Variants in RNF128 observed in about 807,000 individuals in gnomAD.
The protein encoded by RNF128 is E3 ubiquitin-protein ligase RNF128.
RNF128 carries 13 observed loss-of-function variants against 26.2 expected under a neutral mutation model. The observed-to-expected ratio is 0.50, with a 90% CI of 0.32 to 0.79. The LOEUF (loss-of-function observed/expected upper bound fraction) is 0.79, where lower values mean the gene tolerates loss of function less well. Ranked by LOEUF, RNF128 falls within the 30% of genes least tolerant of loss-of-function variation. RNF128 has a pLI of 0.03. For synonymous variants in RNF128, 149 were observed against 142.5 expected, an observed-to-expected ratio of 1.05 and a Z score of -0.32; for missense variants, 315 against 349.7, an observed-to-expected ratio of 0.90 and a Z score of 0.79.
At chrX:106,718,527 C>T (rs936838653) in intron 1 of RNF128, among the ~76,000 whole-genome samples, 1 of 109,868 alleles carries the variant, frequency 9.1e-6, no homozygotes, top group East Asian at 2.9e-4. Flanking sequence ...TACCTCCCCC[C>T]ACCCCCCAGC....
At chrX:106,785,418 A>G (rs901105013) in intron 3 of RNF128, among the ~76,000 whole-genome samples, 22 of 111,735 alleles carry the variant, frequency 2.0e-4, no homozygotes, top group African/African-American at 7.2e-4. Context: ...GATTATCCAG[A>G]TAGATTCAAA....
chrX:106,777,799 G>C (rs1454926543), intron 2 of RNF128, among the ~76,000 whole-genome samples: 1 of 111,044 alleles, frequency 9.0e-6, no homozygotes, highest in Non-Finnish European at 1.9e-5. Flanking sequence ...GCAAAACCCT[G>C]TCCCTGCAAA....
At chrX:106,788,879 A>ATATAT (rs1359816973) in intron 4 of RNF128, among the ~76,000 whole-genome samples, 2 of 76,306 alleles carry the variant, frequency 2.6e-5, no homozygotes, top group African/African-American at 1.1e-4. Context: ...ATAATGTATA[A>ATATAT]TATATTATAT....
intron 1 of RNF128, among the ~76,000 whole-genome samples, chrX:106,717,421 G>A (rs1318824650): frequency 9.0e-6 from 1 of 111,646 alleles, no homozygotes; most frequent in African/African-American, 3.3e-5. Flanking sequence ...AGATCAGACT[G>A]TGCTTTCAAT....
intron 1 of RNF128, among the ~76,000 whole-genome samples, chrX:106,763,806 G>A (rs374004450): frequency 9.0e-6 from 1 of 111,537 alleles, no homozygotes; most frequent in African/African-American, 3.3e-5. Flanking sequence ...ACCACGCCCG[G>A]CCAATTCAGG....
chrX:106,704,500 T>A (rs927803185), intron 1 of RNF128, among the ~76,000 whole-genome samples: 1 of 105,175 alleles, frequency 9.5e-6, no homozygotes, highest in South Asian at 4.4e-4. Flanking sequence ...GTGAAGAGAC[T>A]CCTATTCCTT....
intron 2 of RNF128, among the ~76,000 whole-genome samples, chrX:106,776,652 A>G (rs185902528): frequency 1.8e-5 from 2 of 112,004 alleles, no homozygotes; most frequent in African/African-American, 6.5e-5. Context: ...ATGACCTTCC[A>G]TTTTTAGCTG....
intron 2 of RNF128, among the ~76,000 whole-genome samples, chrX:106,774,622 A>G (rs1286389856): frequency 8.9e-6 from 1 of 111,795 alleles, no homozygotes; most frequent in Admixed American, 9.5e-5. Flanking sequence ...TTCTACCTTC[A>G]TTATATATCC....
At chrX:106,775,003 C>A (rs1190935161) in intron 2 of RNF128, among the ~76,000 whole-genome samples, 1 of 111,242 alleles carries the variant, frequency 9.0e-6, no homozygotes, top group Admixed American at 9.6e-5. Flanking sequence ...GATTAGATAC[C>A]AGCATATGGT....
chrX:106,771,725 G>T lies in RNF128; in HGVS notation c.485-1188G>T, dbSNP rs747475495. On this transcript the variant is annotated intron_variant, in intron 1 of 6. Transcript: ENST00000255499. Reference sequence around the variant, plus strand: ...CCTGGGTGAGGCGATGGCCTGCCCTGCTCCGTGGGCTGTACCCACTTGTCT... The same window carrying T: ...CCTGGGTGAGGCGATGGCCTGCCCTTCTCCGTGGGCTGTACCCACTTGTCT... Among the ~76,000 whole-genome samples the T allele has an allele frequency of 5.3e-5, 6 of 112,786 alleles. No homozygotes were observed. In the South Asian group the frequency reaches 2.2e-3, roughly 41 times the overall value.
chrX:106,764,254 C>T (rs1930175332), intron 1 of RNF128, among the ~76,000 whole-genome samples: 1 of 110,875 alleles, frequency 9.0e-6, no homozygotes, highest in African/African-American at 3.3e-5. Context: ...CGTGAGCCAC[C>T]ACGCCCGGCC....
intron 1 of RNF128, among the ~76,000 whole-genome samples, chrX:106,770,114 G>A (rs187198193): frequency 7.1e-5 from 8 of 112,044 alleles, no homozygotes; most frequent in Admixed American, 3.8e-4. Context: ...CGAGAGATCC[G>A]CTGTTAGTCT....
intron 1 of RNF128, among the ~76,000 whole-genome samples, chrX:106,731,085 A>T (rs1212056302): frequency 8.9e-6 from 1 of 112,490 alleles, no homozygotes; most frequent in African/African-American, 3.2e-5. Context: ...AATGCAGATA[A>T]AGCGTTTAGC....
At chrX:106,716,392 T>C (rs917840736) in intron 1 of RNF128, among the ~76,000 whole-genome samples, 3 of 110,961 alleles carry the variant, frequency 2.7e-5, no homozygotes, top group South Asian at 3.7e-4. Context: ...GCAAAAACCA[T>C]AGGGAAAGAA....
At chrX:106,777,991 T>TA (rs1930499076) in intron 2 of RNF128, among the ~76,000 whole-genome samples, 2 of 111,798 alleles carry the variant, frequency 1.8e-5, no homozygotes, top group Admixed American at 9.6e-5. Context: ...TTTTCTTCCT[T>TA]ATGATTTTCT....
intron 5 of RNF128, among the ~76,000 whole-genome samples, chrX:106,790,752 A>G (rs995163116): frequency 9.0e-6 from 1 of 110,964 alleles, no homozygotes; most frequent in Non-Finnish European, 1.9e-5. Context: ...CTCAAGTTCC[A>G]TAGGGGACAG....
intron 1 of RNF128, among the ~76,000 whole-genome samples, chrX:106,771,199 G>A (rs971193737): frequency 8.9e-6 from 1 of 112,599 alleles, no homozygotes; most frequent in South Asian, 3.7e-4. Context: ...GCTACTGAGG[G>A]GTCAGGGACC....
intron 1 of RNF128, among the ~76,000 whole-genome samples, chrX:106,739,409 A>G (rs1929659443): frequency 1.8e-5 from 2 of 111,007 alleles, no homozygotes; most frequent in South Asian, 7.7e-4. Context: ...TCCGCCCACC[A>G]TGGCCTCCCA....
chrX:106,695,931 A>G (rs1928867288), intron 1 of RNF128, among the ~76,000 whole-genome samples: 1 of 111,597 alleles, frequency 9.0e-6, no homozygotes, highest in Admixed American at 9.6e-5. Flanking sequence ...AGTAGAATGT[A>G]GGTACCCTGC....
Sources: allele counts gnomAD v4.1 joint callset (sites outside exome capture counted in the v4.1 genomes callset), GRCh38; gene constraint gnomAD v4.1.1; transcripts MANE v1.5; gene names NCBI Gene and HGNC (gene_info 2026-07-23, HGNC 2026-07-21).